The following FREM2 variants were observed in gnomAD, a reference collection of about 807,000 sequenced individuals.
FREM2 encodes FRAS1 related extracellular matrix 2.
A neutral mutation model predicts 219.9 loss-of-function variants in FREM2; 119 were observed. That is an observed-to-expected ratio of 0.54 (90% confidence interval 0.47 to 0.63). The LOEUF (loss-of-function observed/expected upper bound fraction) is 0.63, where lower values mean the gene tolerates loss of function less well. FREM2 is among the 30% of genes least tolerant of loss of function. The pLI, the probability that FREM2 is intolerant of heterozygous loss-of-function variation, is 0.00. For synonymous variants in FREM2, 1,562 were observed against 1,522.8 expected, an observed-to-expected ratio of 1.03 and a Z score of -0.60; for missense variants, 4,030 against 3,993.6, an observed-to-expected ratio of 1.01 and a Z score of -0.25.
rs114400765 is a variant in FREM2, at chr13:38,880,315, C to G, written c.9038C>G (p.Thr3013Arg). The G allele has an allele frequency of 3.7e-6, 6 of 1,613,826 alleles. No homozygotes were observed. The highest frequency in any genetic ancestry group is 5.1e-6 in the Non-Finnish European group (6 of 1,179,878). Residue 3013 changes from threonine (T) to arginine (R), a missense_variant, in exon 24 of 24, where the codon ACG (threonine) becomes AGG (arginine). Coordinates refer to ENST00000280481, the MANE Select transcript of FREM2 (RefSeq NM_207361.6). The stretch of plus-strand genomic sequence containing the variant: ...CTAGGCCGAGAATGGTATATACATA[C>G]GATCTATACAGTGAGATCGAAAGAC... ...VALGREWYIH[T>R]IYTVRSKDNA...
chr13:38,745,825 C>T (rs1301370031), intron 2 of FREM2, among the ~76,000 whole-genome samples: 2 of 152,098 alleles, frequency 1.3e-5, no homozygotes, highest in Non-Finnish European at 2.9e-5. Context: ...TTCTGCCTAT[C>T]GGGGACAAGG....
At chr13:38,753,278 T>C (rs1872852483) in intron 2 of FREM2, among the ~76,000 whole-genome samples, 1 of 152,168 alleles carries the variant, frequency 6.6e-6, no homozygotes, top group Middle Eastern at 3.2e-3. Flanking sequence ...ACACATATAA[T>C]TATACTTAAT....
At chr13:38,864,143 A>T in intron 15 of FREM2, 132 bp from the exon 16 acceptor site, 1 of 728,146 alleles carries the variant, frequency 1.4e-6, no homozygotes, top group East Asian at 2.7e-5. Context: ...CACCACTTTG[A>T]TCTGTATGCC....
At position 38,722,320 on chromosome 13, in the gene FREM2, A is replaced by G. The variant is rs1267336487; in HGVS notation, c.5263+24533A>G. ...AGCAAGTCTCCTGCCTCGGCCTCCC[A>G]AAGTGCTGGGATTATAGGCATGAGC... On this transcript the variant is annotated intron_variant, in intron 2 of 23. Coordinates refer to ENST00000280481, the MANE Select transcript of FREM2 (RefSeq NM_207361.6). Among the ~76,000 whole-genome samples, 5 of 152,244 alleles carry G rather than the reference A, an allele frequency of 3.3e-5. No homozygotes were observed. In the East Asian group the frequency reaches 9.7e-4, roughly 29 times the overall value.
chr13:38,692,537 TC>T lies in FREM2; in HGVS notation c.5173+21del. The T allele has an allele frequency of 6.2e-7, 1 of 1,604,188 alleles. No homozygotes were observed. The highest frequency in any genetic ancestry group is 1.7e-5 in the Admixed American group (1 of 60,032). On this transcript the variant is annotated intron_variant, in intron 1 of 23. Transcript: ENST00000280481. Reference sequence around the variant, plus strand: ...CACAAGGTATGTTTCATGTTTCTTTTCTTGGTTATCCTTGTTTCCTGAGAAT... The same window carrying T: ...CACAAGGTATGTTTCATGTTTCTTTTTTGGTTATCCTTGTTTCCTGAGAAT...
chr13:38,837,765 G>GTTTTTTTTTTTTTTTTTTTTT (rs151057502), intron 6 of FREM2, among the ~76,000 whole-genome samples: 2 of 140,448 alleles, frequency 1.4e-5, no homozygotes, highest in African/African-American at 5.2e-5. Flanking sequence ...GCAACCCCTG[G>GTTTTTTTTTTTTTTTTTTTTT]TTTTTTTTTG....
chr13:38,815,205 T>G (rs1457096147), intron 6 of FREM2, among the ~76,000 whole-genome samples: 1 of 152,208 alleles, frequency 6.6e-6, no homozygotes, highest in Non-Finnish European at 1.5e-5. Context: ...TCCCATGAAT[T>G]GTTTTTATTT....
intron 6 of FREM2, among the ~76,000 whole-genome samples, chr13:38,833,049 CA>C (rs548417589): frequency 6.6e-6 from 1 of 151,260 alleles, no homozygotes; most frequent in Non-Finnish European, 1.5e-5. Flanking sequence ...GAAAAAAAAG[CA>C]AAAAAAAGTT....
At chr13:38,765,719 T>C (rs1279101935) in intron 3 of FREM2, among the ~76,000 whole-genome samples, 1 of 152,160 alleles carries the variant, frequency 6.6e-6, no homozygotes. Context: ...AATTCTTTTT[T>C]TTTCCTTTTA....
At chr13:38,803,568 G>T (rs758102908) in intron 6 of FREM2, among the ~76,000 whole-genome samples, 4 of 151,758 alleles carry the variant, frequency 2.6e-5, no homozygotes, top group Non-Finnish European at 4.4e-5. Context: ...ACGCAGTATT[G>T]TTTCACTAGG....
rs1320787461 is a variant in FREM2, at chr13:38,881,710, A to T, written c.*923A>T. On this transcript the variant is annotated 3_prime_UTR_variant, in exon 24 of 24. Coordinates refer to ENST00000280481, the MANE Select transcript of FREM2 (RefSeq NM_207361.6). The stretch of plus-strand genomic sequence containing the variant: ...GAACCCATAAATGATAATAAGAAAC[A>T]TTGTTACAGATGGTGAAGGGAGAAA... 2 of 152,636 alleles carry T rather than the reference A, an allele frequency of 1.3e-5. No homozygotes were observed. Among genetic ancestry groups the T allele is most frequent in the Non-Finnish European group, 2.9e-5 (2 of 68,040 alleles). The allele number at this position is 152,636 out of a possible 1,614,324, so 9.5% of individuals were successfully genotyped here. A position where few individuals can be genotyped will look rare whatever the true frequency, so the allele number is the denominator to read the frequency against.
chr13:38,764,415 A>G lies in FREM2; in HGVS notation c.5375A>G (p.Lys1792Arg). ...EDSKFLDVVL[K>R]RRGYLGETSF... ...TCCAAATTTCTAGATGTTGTTCTTAAACGTAGAGGTTACTTGGGAGAAACT... is the reference window on the plus strand; with the variant it reads ...TCCAAATTTCTAGATGTTGTTCTTAGACGTAGAGGTTACTTGGGAGAAACT... Residue 1792 changes from lysine (K) to arginine (R), a missense_variant, in exon 3 of 24, where the codon AAA becomes AGA. Lys to Arg is a conservative substitution (Grantham distance 26, BLOSUM62 2). Coordinates refer to ENST00000280481, the MANE Select transcript of FREM2 (RefSeq NM_207361.6). The G allele has an allele frequency of 5.0e-6, 8 of 1,590,334 alleles. No homozygotes were observed. The highest frequency in any genetic ancestry group is 6.9e-6 in the Non-Finnish European group (8 of 1,160,936).
chr13:38,874,560 A>C lies in FREM2; in HGVS notation c.8255A>C (p.His2752Pro), dbSNP rs750296062. ...CACTTCAAGACAGAGGCTCAGTTCCATGGCTTATTTGTGCTGTCACATCCC... is the reference window on the plus strand; with the variant it reads ...CACTTCAAGACAGAGGCTCAGTTCCCTGGCTTATTTGTGCTGTCACATCCC... Reference protein sequence around the residue: ...AVHFKTEAQFHGLFVLSHPAS... With the variant: ...AVHFKTEAQFPGLFVLSHPAS... Residue 2752 changes from histidine (H) to proline (P), a missense_variant, in exon 18 of 24, where the codon CAT (histidine) becomes CCT (proline). By Grantham distance (77) the His-to-Pro change is moderately conservative. Around this residue, in one of 2 missense-constraint regions of FREM2, gnomAD observed 928 missense variants for 1,042.9 expected, o/e 0.89. Transcript: ENST00000280481. The C allele has an allele frequency of 1.2e-6, 2 of 1,614,112 alleles. No individual in the cohort carries two copies. The highest frequency in any genetic ancestry group is 1.7e-6 in the Non-Finnish European group (2 of 1,179,940).
chr13:38,738,475 A>G, intron 2 of FREM2, among the ~76,000 whole-genome samples: 1 of 146,246 alleles, frequency 6.8e-6, no homozygotes, highest in Admixed American at 7.0e-5. Context: ...CTGAGGCAGG[A>G]GAATCGCATG....
intron 2 of FREM2, among the ~76,000 whole-genome samples, chr13:38,755,391 T>A (rs1872957060): frequency 6.6e-6 from 1 of 152,106 alleles, no homozygotes; most frequent in Admixed American, 6.5e-5. Context: ...TGGTGATATT[T>A]TCTGTTATTC....
At chr13:38,843,535 A>G (rs190311586) in intron 6 of FREM2, among the ~76,000 whole-genome samples, 8 of 152,016 alleles carry the variant, frequency 5.3e-5, no homozygotes, top group Admixed American at 3.3e-4. Context: ...TGGATTTTGC[A>G]TAGATACCTT....
chr13:38,829,800 C>A (rs572316556), intron 6 of FREM2, among the ~76,000 whole-genome samples: 1 of 151,802 alleles, frequency 6.6e-6, no homozygotes, highest in African/African-American at 2.4e-5. Context: ...AAGACACAAA[C>A]GGAATACACA....
intron 3 of FREM2, among the ~76,000 whole-genome samples, chr13:38,765,225 A>T (rs1003749822): frequency 3.3e-5 from 5 of 152,130 alleles, no homozygotes; most frequent in African/African-American, 1.2e-4. Context: ...TTCATATTTG[A>T]TTTTCATAGA....
chr13:38,857,062 G>A (rs1482126354), intron 12 of FREM2, among the ~76,000 whole-genome samples: 1 of 151,936 alleles, frequency 6.6e-6, no homozygotes, highest in Non-Finnish European at 1.5e-5. Flanking sequence ...CTCAAGTATG[G>A]GCAATCTTTA....
Sources: allele counts gnomAD v4.1 joint callset (sites outside exome capture counted in the v4.1 genomes callset), GRCh38; gene constraint gnomAD v4.1.1; regional missense constraint gnomAD v4.1.1; transcripts MANE v1.5; gene names NCBI Gene and HGNC (gene_info 2026-07-23, HGNC 2026-07-21).